Variants in AGBL1 observed in about 807,000 individuals in gnomAD.
AGBL1 encodes the protein AGBL carboxypeptidase 1, also known as cytosolic carboxypeptidase 4.
Under a neutral mutation model 118.9 loss-of-function variants are expected in AGBL1, and 130 were observed. That is an observed-to-expected ratio of 1.09 (90% CI 0.95 to 1.26). The LOEUF (loss-of-function observed/expected upper bound fraction) is 1.26. Ranked by LOEUF, AGBL1 falls within the 50% of genes most tolerant of loss-of-function variation. The probability of loss-of-function intolerance (pLI) is 0.00; values close to 1 mark genes in which losing one functional copy is unlikely to be tolerated. For missense variants in AGBL1, 1,584 were observed against 1,298.1 expected, an observed-to-expected ratio of 1.22 and a Z score of -3.38; for synonymous variants, 555 against 478.9, an observed-to-expected ratio of 1.16 and a Z score of -2.08.
rs186383305 is a variant in AGBL1, at chr15:86,483,435, T to C, written c.2556-39375T>C. Among the ~76,000 whole-genome samples the C allele has an allele frequency of 4.5e-3, 684 of 152,076 alleles. 3 individuals carry two copies. Among genetic ancestry groups the C allele is most frequent in the African/African-American group, 0.016 (645 of 41,510 alleles). On this transcript the variant is annotated intron_variant, in intron 18 of 22. Coordinates refer to ENST00000614907, the MANE Select transcript of AGBL1 (RefSeq NM_001386094.1). ...GGTTTATTTAACCCCTAGGAAAAAATGCCTAATGGCAGTTAGCGAGGGAGG... is the reference window on the plus strand; with the variant it reads ...GGTTTATTTAACCCCTAGGAAAAAACGCCTAATGGCAGTTAGCGAGGGAGG...
intron 18 of AGBL1, among the ~76,000 whole-genome samples, chr15:86,475,729 C>A (rs1022078882): frequency 1.3e-5 from 2 of 152,080 alleles, no homozygotes; most frequent in African/African-American, 4.8e-5. Context: ...GAGAATGCCA[C>A]AAAGATACTC....
At chr15:86,259,500 A>C (rs2078949113) in intron 9 of AGBL1, among the ~76,000 whole-genome samples, 1 of 152,068 alleles carries the variant, frequency 6.6e-6, no homozygotes, top group African/African-American at 2.4e-5. Flanking sequence ...CTTCTTTCCT[A>C]TCTGTCTAGA....
At chr15:86,600,818 T>A (rs1168459879) in intron 21 of AGBL1, among the ~76,000 whole-genome samples, 1 of 152,134 alleles carries the variant, frequency 6.6e-6, no homozygotes, top group Non-Finnish European at 1.5e-5. Flanking sequence ...TGGGCTGACT[T>A]GTTCTTTCAG....
At chr15:86,737,274 C>G (rs1185817892) in intron 22 of AGBL1, among the ~76,000 whole-genome samples, 1 of 152,034 alleles carries the variant, frequency 6.6e-6, no homozygotes, top group Non-Finnish European at 1.5e-5. Flanking sequence ...TGAGCTGGGC[C>G]TGATCAGGTG....
chr15:86,105,824 A>G (rs923965608), intron 1 of AGBL1, among the ~76,000 whole-genome samples: 5 of 152,240 alleles, frequency 3.3e-5, no homozygotes, highest in Non-Finnish European at 5.9e-5. Flanking sequence ...TTCTTGGTGT[A>G]CAGACTTTGT....
intron 1 of AGBL1, chr15:86,107,593 T>C (rs901999340): frequency 6.6e-6 from 1 of 152,218 alleles, no homozygotes; most frequent in Non-Finnish European, 1.5e-5. Context: ...TACCAAAATG[T>C]TGAGCTTTTC....
At chr15:86,807,192 G>A (rs1047630458) in intron 22 of AGBL1, among the ~76,000 whole-genome samples, 3 of 152,148 alleles carry the variant, frequency 2.0e-5, no homozygotes, top group Non-Finnish European at 2.9e-5. Flanking sequence ...CCATGCATTC[G>A]TTACAAGCAA....
chr15:86,141,951 C>A, intron 1 of AGBL1, 53 bp from the exon 2 acceptor site: 1 of 1,514,230 alleles, frequency 6.6e-7, no homozygotes, highest in South Asian at 1.2e-5. Context: ...CCCTGATCAT[C>A]CAACTCCTTC....
chr15:86,937,885 C>A (rs1415906319), intron 23 of AGBL1, among the ~76,000 whole-genome samples: 2 of 152,192 alleles, frequency 1.3e-5, no homozygotes, highest in Non-Finnish European at 2.9e-5. Flanking sequence ...CAGGCTCAAT[C>A]CTTCTACAGC....
intron 22 of AGBL1, among the ~76,000 whole-genome samples, chr15:86,736,262 C>T (rs942990989): frequency 5.9e-5 from 9 of 151,960 alleles, no homozygotes; most frequent in African/African-American, 2.2e-4. Context: ...TGCCTGTAAG[C>T]CCAGCTACTC....
intron 20 of AGBL1, among the ~76,000 whole-genome samples, chr15:86,553,181 T>C (rs1203796096): frequency 6.6e-6 from 1 of 152,212 alleles, no homozygotes; most frequent in Non-Finnish European, 1.5e-5. Context: ...TACTATGTGT[T>C]ATTTATGCAT....
chr15:86,658,821 T>C (rs756060080), intron 21 of AGBL1, among the ~76,000 whole-genome samples: 1 of 152,140 alleles, frequency 6.6e-6, no homozygotes, highest in Non-Finnish European at 1.5e-5. Context: ...AAAAACGTGG[T>C]CACAGAAACA....
intron 17 of AGBL1, among the ~76,000 whole-genome samples, chr15:86,371,137 G>A (rs1401695956): frequency 1.3e-5 from 2 of 152,188 alleles, no homozygotes; most frequent in Admixed American, 6.5e-5. Context: ...TTGGAGAAGG[G>A]GCTAGCTGAA....
intron 18 of AGBL1, among the ~76,000 whole-genome samples, chr15:86,405,367 T>A (rs2081510023): frequency 6.8e-6 from 1 of 148,042 alleles, no homozygotes; most frequent in Non-Finnish European, 1.5e-5. Flanking sequence ...CAAAAAAAAA[T>A]TAGCCAGCTG....
intron 7 of AGBL1, among the ~76,000 whole-genome samples, chr15:86,255,921 C>T (rs886618843): frequency 1.3e-5 from 2 of 152,136 alleles, no homozygotes; most frequent in Non-Finnish European, 2.9e-5. Context: ...TGCCATAGTT[C>T]AGCAGCACCA....
chr15:86,672,914 C>CT (rs943359844), intron 21 of AGBL1, among the ~76,000 whole-genome samples: 112 of 152,154 alleles, frequency 7.4e-4, no homozygotes, highest in African/African-American at 2.6e-3. Flanking sequence ...GATTTTCTAC[C>CT]TTTTTAATGC....
chr15:86,090,601 G>A (rs930461166), intron 1 of AGBL1, among the ~76,000 whole-genome samples: 2 of 151,978 alleles, frequency 1.3e-5, no homozygotes, highest in African/African-American at 2.4e-5. Flanking sequence ...TTTAGTTCAT[G>A]GTTGTACCAT....
chr15:86,446,214 G>C (rs561440229), intron 18 of AGBL1, among the ~76,000 whole-genome samples: 204 of 152,278 alleles, frequency 1.3e-3, no homozygotes, highest in African/African-American at 4.8e-3. Context: ...TTCCCTTTAT[G>C]TTTTCATGTT....
chr15:86,833,103 G>A (rs1054454399), intron 22 of AGBL1, among the ~76,000 whole-genome samples: 14 of 152,128 alleles, frequency 9.2e-5, no homozygotes, highest in South Asian at 6.2e-4. Context: ...GAAAAGACCC[G>A]CCCCCATGAT....
Sources: allele counts gnomAD v4.1 joint callset (sites outside exome capture counted in the v4.1 genomes callset), GRCh38; gene constraint gnomAD v4.1.1; transcripts MANE v1.5; gene names NCBI Gene and HGNC (gene_info 2026-07-23, HGNC 2026-07-21).